The following APLF variants were observed in gnomAD, a reference collection of about 807,000 sequenced individuals.
The protein encoded by APLF is aprataxin and PNK-like factor.
A neutral mutation model predicts 55.6 loss-of-function variants in APLF; 61 were observed. The observed-to-expected ratio is 1.10, with a 90% CI of 0.89 to 1.36. The LOEUF is 1.36. Ranked by LOEUF, APLF falls within the 40% of genes most tolerant of loss-of-function variation. The pLI is 0.00. For missense variants in APLF, 611 were observed against 602.5 expected, an observed-to-expected ratio of 1.01 and a Z score of -0.15; for synonymous variants, 207 against 214.8, an observed-to-expected ratio of 0.96 and a Z score of 0.32.
chr2:68,579,699 T>A lies in APLF; in HGVS notation c.*1677T>A, dbSNP rs1015076144. 1.3e-5 allele frequency: 2 copies of A among 154,060 alleles called. No individual in the cohort carries two copies. Among genetic ancestry groups the A allele is most frequent in the African/African-American group, 4.8e-5 (2 of 41,488 alleles). The allele number at this position is 154,060 out of a possible 1,614,324, so 9.5% of individuals were successfully genotyped here. The stretch of plus-strand genomic sequence containing the variant: ...AAGAAGCCAGACACAAAAGGCCACA[T>A]ACTGTATGAACTCATTTATATGAAA... On this transcript the variant is annotated 3_prime_UTR_variant, in exon 10 of 10. Coordinates refer to ENST00000303795, the MANE Select transcript of APLF (RefSeq NM_173545.3).
intron 6 of APLF, among the ~76,000 whole-genome samples, chr2:68,531,951 T>C (rs957947282): frequency 1.3e-5 from 2 of 152,186 alleles, no homozygotes; most frequent in Admixed American, 6.5e-5. Flanking sequence ...GCCAGTTGCT[T>C]TTCCTTCCCT....
At chr2:68,535,324 TA>T (rs1430765216) in intron 6 of APLF, 2 of 436,698 alleles carry the variant, frequency 4.6e-6, no homozygotes, top group Non-Finnish European at 9.3e-6. Flanking sequence ...GCATTTGAAG[TA>T]AATAATGAAA....
chr2:68,521,958 A>C (rs1186148688), intron 5 of APLF, among the ~76,000 whole-genome samples: 1 of 151,918 alleles, frequency 6.6e-6, no homozygotes, highest in African/African-American at 2.4e-5. Context: ...GTTTCCAGCA[A>C]CTTTGCCAAG....
intron 2 of APLF, among the ~76,000 whole-genome samples, chr2:68,498,867 C>T (rs934725650): frequency 6.6e-6 from 1 of 152,128 alleles, no homozygotes; most frequent in African/African-American, 2.4e-5. Flanking sequence ...ATTATTGACC[C>T]TCAAAATATA....
At chr2:68,499,014 TAAA>T (rs201129000) in intron 2 of APLF, among the ~76,000 whole-genome samples, 2 of 147,632 alleles carry the variant, frequency 1.4e-5, no homozygotes, top group Non-Finnish European at 3.0e-5. Context: ...CTTATTTTGT[TAAA>T]AAAAAAAGCT....
intron 1 of APLF, among the ~76,000 whole-genome samples, chr2:68,474,826 A>T (rs1304434090): frequency 1.3e-5 from 2 of 152,084 alleles, no homozygotes; most frequent in Admixed American, 6.6e-5. Context: ...GTGCCACCAC[A>T]ACCGGCTGAT....
At chr2:68,474,467 G>A (rs759592205) in intron 1 of APLF, among the ~76,000 whole-genome samples, 3 of 152,202 alleles carry the variant, frequency 2.0e-5, no homozygotes, top group African/African-American at 4.8e-5. Flanking sequence ...TCACTTGGGA[G>A]ATTCTGAGGA....
chr2:68,569,481 G>A (rs957884183), intron 9 of APLF, among the ~76,000 whole-genome samples: 1 of 152,038 alleles, frequency 6.6e-6, no homozygotes, highest in Non-Finnish European at 1.5e-5. Context: ...GTTAGCAAGT[G>A]GATCATTTTA....
At chr2:68,532,986 G>C (rs112190796) in intron 6 of APLF, among the ~76,000 whole-genome samples, 1 of 152,162 alleles carries the variant, frequency 6.6e-6, no homozygotes, top group Non-Finnish European at 1.5e-5. Flanking sequence ...AGCTACTTGG[G>C]AGGCTGAAGC....
intron 8 of APLF, among the ~76,000 whole-genome samples, chr2:68,556,894 CAG>C (rs746449421): frequency 3.9e-5 from 6 of 152,258 alleles, no homozygotes; most frequent in South Asian, 2.1e-4. Flanking sequence ...TGTAGTGTGA[CAG>C]AACACAATGT....
At chr2:68,538,728 A>G (rs549264024) in intron 7 of APLF, among the ~76,000 whole-genome samples, 22 of 152,270 alleles carry the variant, frequency 1.4e-4, no homozygotes, top group Admixed American at 7.2e-4. Flanking sequence ...ATTTATTTAC[A>G]CTGCCCTATA....
chr2:68,515,160 C>T lies in APLF; in HGVS notation c.622+1480C>T, dbSNP rs139882033. ...AAAGTGTTCTCATGGGAAAAGTGCA[C>T]TATACTTTATGTGTTAAGGGGCATG... is the stretch of plus-strand genomic sequence containing the variant. On this transcript the variant is annotated intron_variant, in intron 5 of 9. Transcript: ENST00000303795. 7.2e-5 allele frequency among the ~76,000 whole-genome samples: 11 copies of T among 151,784 alleles called. No homozygotes were observed. The East Asian group carries it at 1.8e-3, about 24-fold the overall frequency.
At chr2:68,519,339 A>G (rs1226521167) in intron 5 of APLF, among the ~76,000 whole-genome samples, 1 of 146,908 alleles carries the variant, frequency 6.8e-6, no homozygotes, top group Non-Finnish European at 1.5e-5. Context: ...GAAGTGCCCA[A>G]AAACATGATT....
rs542239028 is a variant in APLF, at chr2:68,482,962, A to G, written c.97-7228A>G. Among the ~76,000 whole-genome samples the G allele has an allele frequency of 7.3e-5, 11 of 151,564 alleles. No individual in the cohort carries two copies. In the South Asian group the frequency reaches 8.3e-4, roughly 11 times the overall value. On this transcript the variant is annotated intron_variant, in intron 1 of 9. Transcript: ENST00000303795. Reference sequence around the variant, plus strand: ...TGGTGTTTTGGCCAGCCTGGGGTTGACTTCCCCACTATGCAGTACCAGAGT... The same window carrying G: ...TGGTGTTTTGGCCAGCCTGGGGTTGGCTTCCCCACTATGCAGTACCAGAGT...
At chr2:68,540,402 A>T (rs147788640) in intron 7 of APLF, among the ~76,000 whole-genome samples, 3 of 152,006 alleles carry the variant, frequency 2.0e-5, no homozygotes, top group Non-Finnish European at 4.4e-5. Context: ...TCTTTATCCA[A>T]TGTATCATTG....
In APLF at chr2:68,502,775, G is replaced by C. The variant is rs777641480; in HGVS notation, c.213G>C (p.Gln71His). 57 of 1,602,138 alleles carry C rather than the reference G, an allele frequency of 3.6e-5. No homozygotes were observed. Among genetic ancestry groups the C allele is most frequent in the Non-Finnish European group, 8.5e-7 (1 of 1,176,338 alleles). The change falls in exon 3 of 10, where the codon CAG (glutamine) becomes CAC (histidine). Residue 71 changes from glutamine to histidine, a missense_variant. Coordinates refer to ENST00000303795, the MANE Select transcript of APLF (RefSeq NM_173545.3). ...TTTACCAGTCTTCAGAGAAGAGTCA[G>C]CTCTTACCATTGAAGCCAAATCTAT... ...PCFYQSSEKSQLLPLKPNLWC... is the reference protein window; with the variant it reads ...PCFYQSSEKSHLLPLKPNLWC...
At chr2:68,482,704 G>A (rs754201086) in intron 1 of APLF, among the ~76,000 whole-genome samples, 39 of 152,138 alleles carry the variant, frequency 2.6e-4, no homozygotes, top group Non-Finnish European at 2.8e-4. Context: ...TGCAGGTGTG[G>A]GACAGTTTGG....
At chr2:68,574,872 T>G (rs1184250274) in intron 9 of APLF, among the ~76,000 whole-genome samples, 1 of 152,206 alleles carries the variant, frequency 6.6e-6, no homozygotes, top group Non-Finnish European at 1.5e-5. Context: ...TAAGAGTTTC[T>G]GTAAAACTAA....
At chr2:68,548,112 G>T (rs1670753780) in intron 8 of APLF, among the ~76,000 whole-genome samples, 1 of 151,762 alleles carries the variant, frequency 6.6e-6, no homozygotes, top group African/African-American at 2.4e-5. Flanking sequence ...AGATGAATTG[G>T]TGTCTTCTCT....
Sources: allele counts gnomAD v4.1 joint callset (sites outside exome capture counted in the v4.1 genomes callset), GRCh38; gene constraint gnomAD v4.1.1; transcripts MANE v1.5; gene names NCBI Gene and HGNC (gene_info 2026-07-23, HGNC 2026-07-21).